The following NRG1 variants were observed in gnomAD, a reference collection of about 807,000 sequenced individuals.
NRG1 encodes neuregulin 1.
NRG1 carries 18 observed loss-of-function variants against 63.8 expected under a neutral mutation model. The ratio of observed to expected loss-of-function variants is 0.28; its 90% CI spans 0.19 to 0.42. NRG1 has a LOEUF of 0.42. Among genes scored for constraint, NRG1 ranks in the 10% least tolerant of loss-of-function variants. The pLI is 1.00. For missense variants in NRG1, 762 were observed against 814.7 expected, an observed-to-expected ratio of 0.94 and a Z score of 0.79; for synonymous variants, 302 against 301.3, an observed-to-expected ratio of 1.00 and a Z score of -0.02.
At chr8:32,385,274 C>T (rs1810864574) in intron 1 of NRG1, among the ~76,000 whole-genome samples, 1 of 152,150 alleles carries the variant, frequency 6.6e-6, no homozygotes, top group African/African-American at 2.4e-5. Context: ...ATCCACCCGC[C>T]TTGGCCTCCC....
chr8:31,726,791 G>GA (rs1554516204), intron 1 of NRG1, among the ~76,000 whole-genome samples: 2 of 151,762 alleles, frequency 1.3e-5, no homozygotes, highest in Middle Eastern at 3.4e-3. Flanking sequence ...AAGGAGGAGG[G>GA]TTTGTACCCT....
chr8:32,162,179 T>A (rs56115118), intron 1 of NRG1, among the ~76,000 whole-genome samples: 1 of 152,224 alleles, frequency 6.6e-6, no homozygotes, highest in African/African-American at 2.4e-5. Flanking sequence ...ATGGCAAGAC[T>A]TCTCTTTATA....
chr8:32,306,642 C>A (rs1158649848), intron 1 of NRG1, among the ~76,000 whole-genome samples: 2 of 152,154 alleles, frequency 1.3e-5, no homozygotes, highest in Non-Finnish European at 2.9e-5. Flanking sequence ...TATGAATCTG[C>A]CTCTCAAAAG....
At chr8:32,180,006 A>G (rs1363358144) in intron 1 of NRG1, among the ~76,000 whole-genome samples, 1 of 151,984 alleles carries the variant, frequency 6.6e-6, no homozygotes, top group Non-Finnish European at 1.5e-5. Context: ...CTATACTTCC[A>G]TTTTTTAAAC....
intron 5 of NRG1, chr8:32,646,878 G>A: frequency 1.0e-6 from 1 of 985,076 alleles, no homozygotes; most frequent in Middle Eastern, 5.2e-4. Context: ...TGTGGGTAGA[G>A]AGCGGGGAGT....
At chr8:32,241,699 A>G (rs1848111111) in intron 1 of NRG1, among the ~76,000 whole-genome samples, 1 of 149,582 alleles carries the variant, frequency 6.7e-6, no homozygotes, top group African/African-American at 2.4e-5. Context: ...TTTCTAAAAT[A>G]GAAATGTTGT....
At chr8:32,250,488 A>T (rs1013058452) in intron 1 of NRG1, among the ~76,000 whole-genome samples, 1 of 152,134 alleles carries the variant, frequency 6.6e-6, no homozygotes, top group African/African-American at 2.4e-5. Context: ...GATTTTCATA[A>T]CACAAAACTT....
chr8:32,009,674 A>T (rs2129894856), intron 1 of NRG1, among the ~76,000 whole-genome samples: 1 of 152,120 alleles, frequency 6.6e-6, no homozygotes, highest in Admixed American at 6.6e-5. Context: ...TACTCTTTGA[A>T]TCAGGATGTC....
intron 1 of NRG1, among the ~76,000 whole-genome samples, chr8:31,797,670 A>G (rs1168946258): frequency 2.6e-5 from 4 of 152,184 alleles, no homozygotes; most frequent in African/African-American, 9.6e-5. Flanking sequence ...TTATTACAGC[A>G]CTATTATTTA....
rs576634298 is a variant in NRG1, at chr8:32,549,002, C to T, written c.100+176C>T. Among the ~76,000 whole-genome samples the T allele has an allele frequency of 2.0e-3, 302 of 152,304 alleles. 2 individuals carry two copies. Among genetic ancestry groups the T allele is most frequent in the African/African-American group, 6.9e-3 (287 of 41,590 alleles). Reference sequence around the variant, plus strand: ...TCCCCTCCTGGGGGCCGCCGCTCACCTGGGCGCCGAGTCCTACCGGGCGCC... The same window carrying T: ...TCCCCTCCTGGGGGCCGCCGCTCACTTGGGCGCCGAGTCCTACCGGGCGCC... On this transcript the variant is annotated intron_variant, in intron 1 of 11. Coordinates refer to ENST00000356819, the Ensembl canonical transcript of NRG1.
chr8:32,516,719 G>A (rs2129504033), intron 1 of NRG1, among the ~76,000 whole-genome samples: 1 of 152,026 alleles, frequency 6.6e-6, no homozygotes, highest in African/African-American at 2.4e-5. Context: ...TCTTGATTTG[G>A]CTCTCAGCTT....
intron 5 of NRG1, among the ~76,000 whole-genome samples, chr8:32,621,614 A>G (rs946535688): frequency 6.6e-6 from 1 of 152,220 alleles, no homozygotes; most frequent in Non-Finnish European, 1.5e-5. Flanking sequence ...AAATCTAACA[A>G]ATAGTAATAG....
chr8:32,209,790 T>C (rs1435909546), intron 1 of NRG1, among the ~76,000 whole-genome samples: 1 of 151,134 alleles, frequency 6.6e-6, no homozygotes, highest in African/African-American at 2.4e-5. Flanking sequence ...ACTTTCTTTC[T>C]CTGATGGTAA....
At chr8:31,919,340 AC>A in intron 1 of NRG1, among the ~76,000 whole-genome samples, 1 of 150,880 alleles carries the variant, frequency 6.6e-6, no homozygotes, top group Middle Eastern at 3.5e-3. Flanking sequence ...CATTCCACTT[AC>A]GCTTTTCAAC....
intron 1 of NRG1, among the ~76,000 whole-genome samples, chr8:32,484,147 G>T (rs560305326): frequency 8.4e-4 from 127 of 151,760 alleles, no homozygotes; most frequent in African/African-American, 2.9e-3. Flanking sequence ...GAGTTTCAGG[G>T]AAAGTCATTT....
intron 1 of NRG1, among the ~76,000 whole-genome samples, chr8:32,284,604 C>T (rs1853305740): frequency 1.3e-5 from 2 of 151,916 alleles, no homozygotes; most frequent in African/African-American, 4.8e-5. Flanking sequence ...AATCAAGGCT[C>T]ACAGCAGCCT....
chr8:32,484,564 A>C (rs187071913), intron 1 of NRG1, among the ~76,000 whole-genome samples: 1 of 152,130 alleles, frequency 6.6e-6, no homozygotes, highest in African/African-American at 2.4e-5. Flanking sequence ...CAGGCATAGA[A>C]TCTATCTGGA....
intron 1 of NRG1, among the ~76,000 whole-genome samples, chr8:31,701,334 T>G (rs1040826043): frequency 6.6e-6 from 1 of 152,174 alleles, no homozygotes; most frequent in East Asian, 1.9e-4. Flanking sequence ...TTCTCACTCT[T>G]GTGAGCATGT....
intron 1 of NRG1, among the ~76,000 whole-genome samples, chr8:31,744,206 G>C (rs1178962305): frequency 6.6e-6 from 1 of 151,934 alleles, no homozygotes. Flanking sequence ...GCAGCCAGCT[G>C]TTTGTCTACT....
Sources: gnomAD v4.1 joint callset for allele counts (sites outside exome capture counted in the v4.1 genomes callset) on GRCh38, gnomAD v4.1.1 for gene constraint, MANE v1.5 for transcripts, NCBI Gene and HGNC (gene_info 2026-07-23, HGNC 2026-07-21) for gene names.